The following UTP25 variants were observed in gnomAD, a reference collection of about 807,000 sequenced individuals.
UTP25 encodes U3 small nucleolar RNA-associated protein 25 homolog.
UTP25 carries 50 observed loss-of-function variants against 78.9 expected under a neutral mutation model. The ratio of observed to expected loss-of-function variants is 0.63; its 90% confidence interval spans 0.50 to 0.80. The LOEUF (loss-of-function observed/expected upper bound fraction) is 0.80, where lower values mean the gene tolerates loss of function less well. Among genes scored for constraint, UTP25 ranks in the 30% least tolerant of loss-of-function variants. The pLI, the probability that UTP25 is intolerant of heterozygous loss-of-function variation, is 0.00. For synonymous variants in UTP25, 329 were observed against 336.5 expected, an observed-to-expected ratio of 0.98 and a Z score of 0.24; for missense variants, 846 against 911.3, an observed-to-expected ratio of 0.93 and a Z score of 0.92.
In UTP25 at chr1:209,856,576, T is replaced by G. The variant is rs574292203; in HGVS notation, c.*5129T>G. 6.6e-6 allele frequency: 1 copy of G among 152,282 alleles called. No individual in the cohort carries two copies. Among genetic ancestry groups the G allele is most frequent in the Non-Finnish European group, 1.5e-5 (1 of 68,080 alleles). The allele number at this position is 152,282 out of a possible 1,614,324, so 9.4% of individuals were successfully genotyped here. On this transcript the variant is annotated 3_prime_UTR_variant, in exon 12 of 12. Transcript: ENST00000491415. ...ATACCAGTCCTGCATGGTATTCCTG[T>G]GCACTACTGTTACGTGAACACACAA...
At chr1:209,829,922 T>C (rs559299282) in intron 1 of UTP25, among the ~76,000 whole-genome samples, 186 bp from the exon 2 acceptor site, 46 of 152,366 alleles carry the variant, frequency 3.0e-4, no homozygotes, top group African/African-American at 1.1e-3. Flanking sequence ...CTTAAACTTT[T>C]CATTTGTCAG....
chr1:209,835,108 A>G lies in UTP25; in HGVS notation c.596A>G (p.Lys199Arg), dbSNP rs374999828. The change falls in exon 5 of 12, where the codon AAA becomes AGA. Residue 199 changes from lysine (K) to arginine (R), a missense_variant. Transcript: ENST00000491415. The part of the protein sequence containing the change: ...PFLQHVNKEL[K>R]EKAIQAVATN... ...CTTCAACATGTGAACAAAGAACTGA[A>G]AGAAAAAGCAATTCAGGCTGTTGCC... 4 of 1,613,636 alleles carry G rather than the reference A, an allele frequency of 2.5e-6. No individual in the cohort carries two copies. In the African/African-American group the frequency reaches 4.0e-5, roughly 16 times the overall value.
chr1:209,848,467 G>T (rs531925900), intron 11 of UTP25, among the ~76,000 whole-genome samples: 33 of 151,726 alleles, frequency 2.2e-4, no homozygotes, highest in East Asian at 1.7e-3. Context: ...GCATATAGGG[G>T]TTTTTTTTCT....
rs934229335 is a variant in UTP25, at chr1:209,852,451, T to A, written c.*1004T>A. Reference sequence around the variant, plus strand: ...CACGTCTGGTCCCAAGCATTTCAGATAAGAGATATTCAACTCATCCTAGTA... The same window carrying A: ...CACGTCTGGTCCCAAGCATTTCAGAAAAGAGATATTCAACTCATCCTAGTA... On this transcript the variant is annotated 3_prime_UTR_variant, in exon 12 of 12. Transcript: ENST00000491415. The A allele has an allele frequency of 6.6e-6, 1 of 152,262 alleles. No individual in the cohort carries two copies. The highest frequency in any genetic ancestry group is 1.5e-5 in the Non-Finnish European group (1 of 68,046). The allele number at this position is 152,262 out of a possible 1,614,324, so 9.4% of individuals were successfully genotyped here.
intron 11 of UTP25, among the ~76,000 whole-genome samples, chr1:209,846,427 G>A (rs2078197167): frequency 6.6e-6 from 1 of 152,136 alleles, no homozygotes; most frequent in Non-Finnish European, 1.5e-5. Context: ...CAACCAGGAG[G>A]CAAGTCAGAA....
At chr1:209,830,500 TAA>T (rs5780540) in intron 2 of UTP25, among the ~76,000 whole-genome samples, 8 of 141,104 alleles carry the variant, frequency 5.7e-5, no homozygotes, top group Admixed American at 7.1e-5. Context: ...TACAACAAAC[TAA>T]AAAAAAAAAA....
chr1:209,842,556 C>G, intron 9 of UTP25, 27 bp from the exon 10 acceptor site: 1 of 1,612,306 alleles, frequency 6.2e-7, no homozygotes, highest in Non-Finnish European at 8.5e-7. Context: ...TGGCTGTCCA[C>G]CTAACGCTCT....
intron 10 of UTP25, chr1:209,843,193 T>G (rs1266260893): frequency 3.9e-6 from 2 of 511,770 alleles, no homozygotes; most frequent in Non-Finnish European, 7.0e-6. Context: ...TAGTGTGGTG[T>G]GTACTTCCTA....
At chr1:209,843,112 T>C (rs1446431293) in intron 10 of UTP25, 1 of 381,144 alleles carries the variant, frequency 2.6e-6, no homozygotes, top group Non-Finnish European at 4.8e-6. Flanking sequence ...AGGCTTAGTA[T>C]ATGGTAGATG....
intron 7 of UTP25, among the ~76,000 whole-genome samples, chr1:209,839,880 A>C (rs934088898): frequency 3.9e-5 from 6 of 152,134 alleles, no homozygotes; most frequent in African/African-American, 1.4e-4. Flanking sequence ...TTTAAAGCAA[A>C]CCCCCTTACC....
Position 209,837,143 on chromosome 1 carries a change from C to T in UTP25, c.994C>T (p.Arg332Cys), listed in dbSNP as rs61740244. ...NAQVLGNNSRRRSQKFGVGDD... is the reference protein window; with the variant it reads ...NAQVLGNNSRCRSQKFGVGDD... The stretch of plus-strand genomic sequence containing the variant: ...CCAGGTGCTTGGCAACAATAGCAGA[C>T]GCCGAAGCCAGAAGTTTGGAGTGGG... The change falls in exon 6 of 12, where the codon CGC becomes TGC. Residue 332 changes from arginine to cysteine, a missense_variant. Arg to Cys is a radical substitution (Grantham distance 180). Transcript: ENST00000491415. 535 of 1,614,094 alleles carry T rather than the reference C, an allele frequency of 3.3e-4. 3 individuals carry two copies. The highest frequency in any genetic ancestry group is 4.9e-4 in the Middle Eastern group (3 of 6,062).
intron 1 of UTP25, among the ~76,000 whole-genome samples, chr1:209,829,231 A>G (rs1301180907): frequency 6.6e-6 from 1 of 152,246 alleles, no homozygotes; most frequent in East Asian, 1.9e-4. Context: ...TGCGTTGGGA[A>G]CATTGAAAAT....
At chr1:209,847,330 C>T (rs2078203164) in intron 11 of UTP25, among the ~76,000 whole-genome samples, 1 of 152,186 alleles carries the variant, frequency 6.6e-6, no homozygotes, top group African/African-American at 2.4e-5. Context: ...ACCCCAAATT[C>T]CACCAGCTGT....
rs2078181482 is a variant in UTP25 at position 209,843,893 on chromosome 1, T to A, written c.2027+197T>A. 3 of 682,038 alleles carry A rather than the reference T, an allele frequency of 4.4e-6. No homozygotes were observed. The South Asian group carries it at 6.0e-5, about 14-fold the overall frequency. The allele number at this position is 682,038 out of a possible 1,614,324, so 42.2% of individuals were successfully genotyped here. A position where few individuals can be genotyped will look rare whatever the true frequency, so the allele number is the denominator to read the frequency against. On this transcript the variant is annotated intron_variant, in intron 11 of 11. Coordinates refer to ENST00000491415, the MANE Select transcript of UTP25 (RefSeq NM_014388.7). The stretch of plus-strand genomic sequence containing the variant: ...AGTTGGTTTTCTCCCAAAATGGGCA[T>A]TGCTGAAGAAGGATGTAGAAACCAA...
rs1474661976 is a variant in UTP25, at chr1:209,854,847, T to C, written c.*3400T>C. 1 of 152,232 alleles carries C rather than the reference T, an allele frequency of 6.6e-6. No homozygotes were observed. The highest frequency in any genetic ancestry group is 2.4e-5 in the African/African-American group (1 of 41,454). The allele number at this position is 152,232 out of a possible 1,614,324, so 9.4% of individuals were successfully genotyped here. ...GAAGTGGCTCTTTTCAGGGCACGGC[T>C]TCTGAGGAGCGTGGGGCCACCACAG... On this transcript the variant is annotated 3_prime_UTR_variant, in exon 12 of 12. Coordinates refer to ENST00000491415, the MANE Select transcript of UTP25 (RefSeq NM_014388.7).
intron 5 of UTP25, among the ~76,000 whole-genome samples, chr1:209,836,308 G>C (rs762721496): frequency 7.2e-5 from 11 of 152,164 alleles, no homozygotes; most frequent in Non-Finnish European, 1.2e-4. Flanking sequence ...CCACAAAATA[G>C]AAAATAGTAT....
chr1:209,840,362 T>C lies in UTP25; in HGVS notation c.1283-491T>C, dbSNP rs552275062. ...GGACAGACAAGGGCCAGGTCAGTGA[T>C]AGAAGCAAAAGTGAGAGTTGAAGTC... On this transcript the variant is annotated intron_variant, in intron 7 of 11. Coordinates refer to ENST00000491415, the MANE Select transcript of UTP25 (RefSeq NM_014388.7). Among the ~76,000 whole-genome samples, 107 of 152,300 alleles carry C rather than the reference T, an allele frequency of 7.0e-4. 1 individual carries two copies. Among genetic ancestry groups the C allele is most frequent in the African/African-American group, 2.5e-3 (102 of 41,566 alleles).
chr1:209,837,702 G>C (rs769976488), intron 6 of UTP25, among the ~76,000 whole-genome samples: 2 of 152,158 alleles, frequency 1.3e-5, no homozygotes, highest in Non-Finnish European at 2.9e-5. Flanking sequence ...GCCTTTGAAA[G>C]CAAAAATTTA....
intron 1 of UTP25, 70 bp from the exon 2 acceptor site, chr1:209,830,034 TAACA>T: frequency 7.5e-7 from 1 of 1,334,762 alleles, no homozygotes; most frequent in Admixed American, 2.0e-5. Flanking sequence ...CTTTTTCATT[TAACA>T]TCTCATTTGA....
Sources: gnomAD v4.1 joint callset for allele counts (sites outside exome capture counted in the v4.1 genomes callset) on GRCh38, gnomAD v4.1.1 for gene constraint, MANE v1.5 for transcripts, NCBI Gene and HGNC (gene_info 2026-07-23, HGNC 2026-07-21) for gene names.